CAMTA1: variants seen among roughly 807,000 people sequenced by gnomAD.
CAMTA1 encodes calmodulin-binding transcription activator 1.
A neutral mutation model predicts 170.9 loss-of-function variants in CAMTA1; 27 were observed. The ratio of observed to expected loss-of-function variants is 0.16; its 90% CI spans 0.12 to 0.22. CAMTA1 has a LOEUF of 0.22. CAMTA1 is among the 10% of genes least tolerant of loss of function. The pLI is 1.00. For synonymous variants in CAMTA1, 833 were observed against 891.5 expected (o/e 0.93, Z 1.17); for missense variants, 1,619 against 2,217.2 (o/e 0.73, Z 5.42).
intron 6 of CAMTA1, among the ~76,000 whole-genome samples, chr1:7,499,212 T>A (rs2093916694): frequency 7.7e-6 from 1 of 130,330 alleles, no homozygotes; most frequent in Non-Finnish European, 1.6e-5. Flanking sequence ...GATCCTGGTG[T>A]GCATGTGTAT....
intron 3 of CAMTA1, among the ~76,000 whole-genome samples, chr1:6,914,534 A>G (rs756128564): frequency 7.2e-5 from 11 of 152,364 alleles, no homozygotes; most frequent in Admixed American, 5.2e-4. Flanking sequence ...ACACACGGCT[A>G]TCGGCTGCCC....
chr1:6,833,749 C>T (rs550931334), intron 3 of CAMTA1, among the ~76,000 whole-genome samples: 1 of 152,306 alleles, frequency 6.6e-6, no homozygotes, highest in Admixed American at 6.5e-5. Flanking sequence ...GGAAACGTAA[C>T]CACAAATCAC....
At chr1:7,233,875 G>C (rs921468210) in intron 4 of CAMTA1, among the ~76,000 whole-genome samples, 1 of 152,090 alleles carries the variant, frequency 6.6e-6, no homozygotes, top group South Asian at 2.1e-4. Context: ...TCAAGGGGCC[G>C]GGGAGGTGGG....
intron 11 of CAMTA1, among the ~76,000 whole-genome samples, chr1:7,679,974 G>A (rs1320573505): frequency 6.6e-6 from 1 of 152,222 alleles, no homozygotes; most frequent in East Asian, 1.9e-4. Context: ...GGTCTTCCCT[G>A]GCTATTCTTT....
chr1:7,419,529 A>T (rs845256), intron 5 of CAMTA1, among the ~76,000 whole-genome samples: 1 of 152,082 alleles, frequency 6.6e-6, no homozygotes, highest in Non-Finnish European at 1.5e-5. Flanking sequence ...TCTGCACACA[A>T]TCCCTAGGTG....
chr1:6,876,141 G>T (rs7546800), intron 3 of CAMTA1, among the ~76,000 whole-genome samples: 49,670 of 151,842 alleles, frequency 0.33, 8,262 homozygotes, highest in Admixed American at 0.41. Flanking sequence ...CTGCTTGCTT[G>T]CTTGTTCTTT....
chr1:7,484,767 C>T (rs570972048), intron 6 of CAMTA1, among the ~76,000 whole-genome samples: 21 of 151,798 alleles, frequency 1.4e-4, no homozygotes, highest in African/African-American at 3.6e-4. Flanking sequence ...CCAACCTGGG[C>T]GACAGAGCGA....
chr1:7,246,542 C>A (rs1022992830), intron 4 of CAMTA1, among the ~76,000 whole-genome samples: 1 of 152,004 alleles, frequency 6.6e-6, no homozygotes, highest in Non-Finnish European at 1.5e-5. Context: ...ATCTTTTATG[C>A]CATCATGAAG....
At position 7,248,806 on chromosome 1, in the gene CAMTA1, C is replaced by T. The variant is rs938270646; in HGVS notation, c.303-685C>T. On this transcript the variant is annotated intron_variant, in intron 4 of 22. Coordinates refer to ENST00000303635, the MANE Select transcript of CAMTA1 (RefSeq NM_015215.4). The surrounding 1 kb of genome is among the most constrained non-coding windows in gnomAD (Gnocchi z 4.0). ...AACTCTTAGCATTTAGGGAGCAAGC[C>T]GCTATTTCCCTGAGATGCTCTGGCT... 5.9e-5 allele frequency among the ~76,000 whole-genome samples: 9 copies of T among 152,118 alleles called. No homozygotes were observed. Among genetic ancestry groups the T allele is most frequent in the South Asian group, 2.1e-4 (1 of 4,810 alleles).
At chr1:7,371,259 GT>G (rs2086446948) in intron 5 of CAMTA1, among the ~76,000 whole-genome samples, 1 of 55,548 alleles carries the variant, frequency 1.8e-5, no homozygotes, top group African/African-American at 5.7e-5. Context: ...TTGTTTGTTT[GT>G]TTGTTTGTTT....
intron 5 of CAMTA1, among the ~76,000 whole-genome samples, chr1:7,355,601 C>T (rs1011183964): frequency 3.3e-5 from 5 of 152,212 alleles, no homozygotes; most frequent in Non-Finnish European, 4.4e-5. Context: ...CCAAGTCTTC[C>T]GCAATCCATT....
intron 3 of CAMTA1, among the ~76,000 whole-genome samples, chr1:6,884,902 C>T (rs1477507544): frequency 6.6e-6 from 1 of 152,174 alleles, no homozygotes; most frequent in Non-Finnish European, 1.5e-5. Context: ...AAAGTATTCT[C>T]CTTCCCGCAC....
At chr1:7,060,049 C>A (rs896094994) in intron 3 of CAMTA1, among the ~76,000 whole-genome samples, 2 of 152,204 alleles carry the variant, frequency 1.3e-5, no homozygotes, top group African/African-American at 4.8e-5. Context: ...TCTGGCGTAA[C>A]TTTTATGTGC....
At chr1:7,458,488 G>A (rs1465982878) in intron 5 of CAMTA1, among the ~76,000 whole-genome samples, 1 of 152,158 alleles carries the variant, frequency 6.6e-6, no homozygotes, top group Admixed American at 6.5e-5. Context: ...GGAAGGACAG[G>A]ACCAGCCAGA....
intron 5 of CAMTA1, among the ~76,000 whole-genome samples, chr1:7,354,146 T>C (rs1018666545): frequency 2.8e-4 from 43 of 150,894 alleles, no homozygotes; most frequent in Non-Finnish European, 2.8e-4. Context: ...CATTTTCTTT[T>C]TCTCTTTTTT....
At chr1:7,018,580 A>G (rs1198426990) in intron 3 of CAMTA1, among the ~76,000 whole-genome samples, 2 of 152,100 alleles carry the variant, frequency 1.3e-5, no homozygotes, top group African/African-American at 2.4e-5. Context: ...TACACTGCCA[A>G]TTATACTAGA....
intron 3 of CAMTA1, among the ~76,000 whole-genome samples, chr1:6,931,212 G>A (rs948980305): frequency 6.6e-6 from 1 of 152,222 alleles, no homozygotes; most frequent in African/African-American, 2.4e-5. Flanking sequence ...GCCTGTGGGT[G>A]TGGGTAAGTA....
chr1:7,512,017 C>T (rs1026780107), intron 6 of CAMTA1, among the ~76,000 whole-genome samples: 8 of 152,328 alleles, frequency 5.3e-5, no homozygotes, highest in Non-Finnish European at 8.8e-5. Context: ...CCTGGCTCTG[C>T]GCTCAGCTGC....
At chr1:7,444,677 G>A (rs12119558) in intron 5 of CAMTA1, among the ~76,000 whole-genome samples, 40,983 of 152,204 alleles carry the variant, frequency 0.27, 7,101 homozygotes, top group Non-Finnish European at 0.36. Context: ...CTGCCTGGAG[G>A]AATTAGAGCC....
Sources: allele counts gnomAD v4.1 joint callset (sites outside exome capture counted in the v4.1 genomes callset), GRCh38; gene constraint gnomAD v4.1.1; non-coding constraint Gnocchi (gnomAD v3.1); transcripts MANE v1.5; gene names NCBI Gene and HGNC (gene_info 2026-07-23, HGNC 2026-07-21).